The following MIOS variants were observed in gnomAD, a reference collection of about 807,000 sequenced individuals.
MIOS encodes meiosis regulator for oocyte development.
MIOS carries 52 observed loss-of-function variants against 96.9 expected under a neutral mutation model. The ratio of observed to expected loss-of-function variants is 0.54; its 90% CI spans 0.43 to 0.68. The LOEUF (loss-of-function observed/expected upper bound fraction) is 0.68. MIOS is among the 30% of genes least tolerant of loss of function. MIOS has a pLI of 0.00. For synonymous variants in MIOS, 397 were observed against 359.5 expected, an observed-to-expected ratio of 1.10 and a Z score of -1.18; for missense variants, 1,005 against 1,052.8, an observed-to-expected ratio of 0.95 and a Z score of 0.63.
intron 7 of MIOS, 49 bp from the exon 8 acceptor site, chr7:7,588,449 A>T: frequency 8.1e-7 from 1 of 1,239,078 alleles, no homozygotes; most frequent in Non-Finnish European, 1.1e-6. Context: ...GCAAAAATTT[A>T]AAACCAGTGC....
At chr7:7,569,823 CTG>C (rs1783289198) in intron 3 of MIOS, among the ~76,000 whole-genome samples, 1 of 152,256 alleles carries the variant, frequency 6.6e-6, no homozygotes, top group African/African-American at 2.4e-5. Context: ...AGACAGGGAA[CTG>C]TGCTCTAACC....
rs759173566 is a variant in MIOS at position 7,573,660 on chromosome 7, T to C, written c.1185T>C (p.Arg395=). Residue 395 remains arginine, a synonymous_variant, in exon 4 of 13, where the codon CGT becomes CGC. Transcript: ENST00000340080. This position sits in a 1 kb window ranked among gnomAD's most constrained non-coding sequence, Gnocchi z 5.0. ...AAAAAGATATAGCAACGAAGATGCG[T>C]CTTCGGGCTTTATCAAGGTATGGAC... is the stretch of plus-strand genomic sequence containing the variant. The part of the protein sequence containing the change: ...SLEKDIATKM[R]LRALSRYGLD... 1 of 1,613,980 alleles carries C rather than the reference T, an allele frequency of 6.2e-7. No individual in the cohort carries two copies. Among genetic ancestry groups the C allele is most frequent in the Non-Finnish European group, 8.5e-7 (1 of 1,179,938 alleles).
At chr7:7,589,615 T>C in intron 9 of MIOS, 52 bp downstream of exon 9, 9 of 1,546,490 alleles carry the variant, frequency 5.8e-6, no homozygotes, top group Non-Finnish European at 7.9e-6. Context: ...TTCTATATTT[T>C]CTTTCCTCAG....
chr7:7,594,430 G>A (rs1002617751), intron 9 of MIOS, among the ~76,000 whole-genome samples: 4 of 152,000 alleles, frequency 2.6e-5, no homozygotes, highest in African/African-American at 9.7e-5. Context: ...AAGTAACTAG[G>A]ATTATAGGCG....
At chr7:7,596,158 T>C in intron 10 of MIOS, 99 bp from the exon 11 acceptor site, 2 of 1,041,706 alleles carry the variant, frequency 1.9e-6, no homozygotes, top group South Asian at 3.6e-5. Flanking sequence ...TAAAGTTTTT[T>C]AAAAGTATTT....
intron 9 of MIOS, among the ~76,000 whole-genome samples, chr7:7,593,896 GA>G (rs1362952099): frequency 3.1e-5 from 4 of 127,572 alleles, no homozygotes; most frequent in African/African-American, 1.3e-4. Flanking sequence ...AAAAAAAAAA[GA>G]AAAAGAAAAG....
rs765439645 is a variant in MIOS, at chr7:7,607,029, G to A, written c.2565G>A (p.Thr855=). Residue 855 remains threonine (T), a synonymous_variant, in exon 13 of 13, where the codon ACG becomes ACA. Transcript: ENST00000340080. ...DHAECPVSAC[T]CKCMQLDTTG... is the part of the protein sequence containing the mutation. ...CAGAGTGCCCTGTGTCGGCATGCAC[G>A]TGTAAATGTATGCAGTTGGATACAA... The A allele has an allele frequency of 2.2e-5, 36 of 1,612,896 alleles. No homozygotes were observed. The highest frequency in any genetic ancestry group is 2.9e-5 in the Non-Finnish European group (34 of 1,179,462).
intron 11 of MIOS, among the ~76,000 whole-genome samples, chr7:7,597,393 A>G (rs973108453): frequency 2.1e-5 from 3 of 142,586 alleles, no homozygotes; most frequent in African/African-American, 7.7e-5. Context: ...TAGAGAAAGT[A>G]TTAGCCTAGA....
intron 5 of MIOS, among the ~76,000 whole-genome samples, chr7:7,576,001 T>C (rs1026634780): frequency 6.6e-6 from 1 of 152,198 alleles, no homozygotes; most frequent in Non-Finnish European, 1.5e-5. Flanking sequence ...GCCATACCTT[T>C]TCCTCTAATT....
In MIOS at chr7:7,572,920, A is replaced by C; in HGVS notation, c.445A>C (p.Ser149Arg). ...TTCAGTGCTAATATGGGATATCTGCAGCAAATATACTCCTGATATAGTTCC... is the reference window on the plus strand; with the variant it reads ...TTCAGTGCTAATATGGGATATCTGCCGCAAATATACTCCTGATATAGTTCC... ...DFSVLIWDIC[S>R]KYTPDIVPME... is the part of the protein sequence containing the mutation. The change falls in exon 4 of 13, where the codon AGC becomes CGC. Residue 149 changes from serine (S) to arginine (R), a missense_variant. This residue lies in a region of MIOS where 865 missense variants were observed against 887.9 expected (regional missense o/e 0.97). Transcript: ENST00000340080. This position sits in a 1 kb window ranked among gnomAD's most constrained non-coding sequence, Gnocchi z 4.8. The C allele has an allele frequency of 1.2e-6, 2 of 1,614,202 alleles. No homozygotes were observed. The highest frequency in any genetic ancestry group is 1.7e-6 in the Non-Finnish European group (2 of 1,180,014).
Position 7,572,898 on chromosome 7 carries a change from A to G in MIOS, c.423A>G (p.Ser141=). 1 of 1,614,218 alleles carries G rather than the reference A, an allele frequency of 6.2e-7. No homozygotes were observed. Among genetic ancestry groups the G allele is most frequent in the Non-Finnish European group, 8.5e-7 (1 of 1,180,014 alleles). Residue 141 remains serine (S), a synonymous_variant, in exon 4 of 13, where the codon TCA becomes TCG. Coordinates refer to ENST00000340080, the MANE Select transcript of MIOS (RefSeq NM_019005.4). The surrounding 1 kb of genome is among the most constrained non-coding windows in gnomAD (Gnocchi z 4.8). ...AGLDKHRADF[S]VLIWDICSKY... ...TAGATAAGCACAGAGCTGACTTTTC[A>G]GTGCTAATATGGGATATCTGCAGCA...
chr7:7,579,370 C>G (rs937007254), intron 5 of MIOS, among the ~76,000 whole-genome samples: 1 of 152,212 alleles, frequency 6.6e-6, no homozygotes, highest in Non-Finnish European at 1.5e-5. Flanking sequence ...GCAGTGACCT[C>G]TTTGAATTCA....
At chr7:7,589,323 G>T in intron 8 of MIOS, 82 bp from the exon 9 acceptor site, 1 of 1,232,678 alleles carries the variant, frequency 8.1e-7, no homozygotes, top group South Asian at 1.6e-5. Context: ...CATTAGGAAT[G>T]AAATTGTTCA....
chr7:7,580,448 A>T (rs1278418798), intron 5 of MIOS, among the ~76,000 whole-genome samples: 2 of 152,196 alleles, frequency 1.3e-5, no homozygotes, highest in African/African-American at 4.8e-5. Context: ...ATAGTTTCCA[A>T]TAGTCAGGTT....
At chr7:7,601,923 A>C (rs1460645609) in intron 11 of MIOS, among the ~76,000 whole-genome samples, 5 of 152,226 alleles carry the variant, frequency 3.3e-5, no homozygotes, top group East Asian at 1.9e-4. Context: ...TCAACATACG[A>C]AAATCAATAA....
Position 7,572,543 on chromosome 7 carries a change from C to A in MIOS, c.68C>A (p.Ser23Ter). ...HHVDRFVVCD[S>*]ELSLYHVEST... Reference sequence around the variant, plus strand: ...GTTGATAGATTTGTTGTGTGTGACTCAGAACTAAGTCTTTATCATGTGGAA... The same window carrying A: ...GTTGATAGATTTGTTGTGTGTGACTAAGAACTAAGTCTTTATCATGTGGAA... The change falls in exon 4 of 13, where the codon TCA becomes TAA. Residue 23 changes from serine to a stop codon, truncating the protein, a stop_gained. Transcript: ENST00000340080. LOFTEE classifies it high-confidence loss of function. This position sits in a 1 kb window ranked among gnomAD's most constrained non-coding sequence, Gnocchi z 4.8. The A allele has an allele frequency of 6.2e-7, 1 of 1,614,074 alleles. No individual in the cohort carries two copies. Among genetic ancestry groups the A allele is most frequent in the Non-Finnish European group, 8.5e-7 (1 of 1,180,000 alleles).
chr7:7,583,033 G>A (rs1401656309), intron 5 of MIOS, 85 bp from the exon 6 acceptor site: 2 of 1,340,606 alleles, frequency 1.5e-6, no homozygotes, highest in Middle Eastern at 2.4e-4. Flanking sequence ...TATTCTAAAT[G>A]TGTCAACATA....
At chr7:7,576,984 T>G (rs1451487057) in intron 5 of MIOS, among the ~76,000 whole-genome samples, 1 of 152,180 alleles carries the variant, frequency 6.6e-6, no homozygotes, top group Non-Finnish European at 1.5e-5. Flanking sequence ...TGGGTTTATT[T>G]TGGAGCAAGT....
intron 6 of MIOS, 52 bp downstream of exon 6, chr7:7,583,424 C>T: frequency 6.8e-7 from 1 of 1,459,872 alleles, no homozygotes; most frequent in Non-Finnish European, 9.1e-7. Flanking sequence ...GTTAGCAGTT[C>T]ATGGAATCTT....
Sources: gnomAD v4.1 joint callset for allele counts (sites outside exome capture counted in the v4.1 genomes callset) on GRCh38, gnomAD v4.1.1 for gene constraint, gnomAD v4.1.1 regional missense constraint, Gnocchi (gnomAD v3.1) non-coding constraint, MANE v1.5 for transcripts, NCBI Gene and HGNC (gene_info 2026-07-23, HGNC 2026-07-21) for gene names.